PPP6R2: variants seen among roughly 807,000 people sequenced by gnomAD.
PPP6R2 encodes serine/threonine-protein phosphatase 6 regulatory subunit 2.
PPP6R2 carries 62 observed loss-of-function variants against 100.2 expected under a neutral mutation model. That is an observed-to-expected ratio of 0.62 (90% CI 0.50 to 0.76). The LOEUF (loss-of-function observed/expected upper bound fraction) is 0.76, where lower values mean the gene tolerates loss of function less well. Among genes scored for constraint, PPP6R2 ranks in the 30% least tolerant of loss-of-function variants. The pLI, the probability that PPP6R2 is intolerant of heterozygous loss-of-function variation, is 0.00. For synonymous variants in PPP6R2, 525 were observed against 514.7 expected (o/e 1.02, Z -0.27); for missense variants, 1,142 against 1,276.3 (o/e 0.89, Z 1.60).
Position 50,423,740 on chromosome 22 carries a change from TC to T in PPP6R2, c.1125+129del. On this transcript the variant is annotated intron_variant, in intron 10 of 23. Transcript: ENST00000612753. The surrounding 1 kb of genome is among the most constrained non-coding windows in gnomAD (Gnocchi z 4.8). Reference sequence around the variant, plus strand: ...AAGCTCTGCCACGGGGAGGTTCCAGTCCCAAGTCCCAAGGCTGGACTACAGG... The same window carrying T: ...AAGCTCTGCCACGGGGAGGTTCCAGTCCAAGTCCCAAGGCTGGACTACAGG... 8.4e-7 allele frequency: 1 copy of T among 1,183,714 alleles called. No individual in the cohort carries two copies. Among genetic ancestry groups the T allele is most frequent in the African/African-American group, 1.5e-5 (1 of 65,844 alleles). 73.3% of individuals were successfully genotyped at this position (1,183,714 alleles called of 1,614,324 possible). A position where few individuals can be genotyped will look rare whatever the true frequency, so the allele number is the denominator to read the frequency against.
At chr22:50,335,504 T>C in the PPP6R2 span, among the ~76,000 whole-genome samples, 1 of 150,060 alleles carries the variant, frequency 6.7e-6, no homozygotes, top group African/African-American at 2.5e-5. Context: ...CCTTGTTTTT[T>C]GTTTTGTTTT....
At chr22:50,414,207 C>G (rs1038852071) in intron 4 of PPP6R2, among the ~76,000 whole-genome samples, 2 of 151,902 alleles carry the variant, frequency 1.3e-5, no homozygotes, top group African/African-American at 2.4e-5. Context: ...CTATACCATT[C>G]GTTTCTGTTG....
chr22:50,401,651 T>TC (rs1277255782), intron 3 of PPP6R2, among the ~76,000 whole-genome samples: 1 of 149,616 alleles, frequency 6.7e-6, no homozygotes, highest in Non-Finnish European at 1.5e-5. Context: ...TCTTTTTTCT[T>TC]TTTTTTTTTG....
In PPP6R2 at chr22:50,437,496, T is replaced by TC; in HGVS notation, c.1684-7dup. ...GTCTGTCCGTCCCTCCCTCCCTCCCTCCCTCCCAGGCCTTCTCTGACTACC... is the reference window on the plus strand; with the variant it reads ...GTCTGTCCGTCCCTCCCTCCCTCCCTCCCCTCCCAGGCCTTCTCTGACTACC... On this transcript the variant is annotated splice_polypyrimidine_tract_variant and intron_variant, in intron 15 of 23. Transcript: ENST00000612753. 9 of 292,910 alleles carry TC rather than the reference T, an allele frequency of 3.1e-5. No individual in the cohort carries two copies. The highest frequency in any genetic ancestry group is 7.2e-5 in the South Asian group (3 of 41,902). The allele number at this position is 292,910 out of a possible 1,614,324, so 18.1% of individuals were successfully genotyped here.
intron 1 of PPP6R2, among the ~76,000 whole-genome samples, chr22:50,356,751 A>G (rs957782786): frequency 2.6e-5 from 4 of 151,926 alleles, no homozygotes; most frequent in African/African-American, 4.8e-5. Context: ...CCTGACCAAC[A>G]TGGTGAAACC....
intron 1 of PPP6R2, among the ~76,000 whole-genome samples, chr22:50,368,598 T>C (rs1041322481): frequency 1.3e-5 from 2 of 152,188 alleles, no homozygotes; most frequent in African/African-American, 4.8e-5. Context: ...CTATTCTTAC[T>C]TTATATATTT....
rs115130676 is a variant in PPP6R2, at chr22:50,360,482, T to C, written c.-147-11538T>C. Among the ~76,000 whole-genome samples, 1,130 of 151,972 alleles carry C rather than the reference T, an allele frequency of 7.4e-3. 14 individuals carry two copies. The highest frequency in any genetic ancestry group is 0.026 in the African/African-American group (1,073 of 41,420). On this transcript the variant is annotated intron_variant, in intron 1 of 23. Coordinates refer to ENST00000612753, the MANE Select transcript of PPP6R2 (RefSeq NM_001242898.2). The stretch of plus-strand genomic sequence containing the variant: ...GGCATAAGAGACCCTCCTGCCTCAG[T>C]TTCCTGAGTTGCTAGGACTGCAAGT...
chr22:50,444,398 C>A lies in PPP6R2; in HGVS notation c.*151C>A. ...AAGCTGGCAGTTGAAACCAGTTGGA[C>A]GGCCCAGCTTGCGTCTCTTCTGCCT... On this transcript the variant is annotated 3_prime_UTR_variant, in exon 24 of 24. Transcript: ENST00000612753. 1.9e-6 allele frequency: 2 copies of A among 1,068,506 alleles called. No individual in the cohort carries two copies. The highest frequency in any genetic ancestry group is 1.3e-6 in the Non-Finnish European group (1 of 744,728). 66.2% of individuals were successfully genotyped at this position (1,068,506 alleles called of 1,614,324 possible). A position where few individuals can be genotyped will look rare whatever the true frequency, so the allele number is the denominator to read the frequency against.
chr22:50,350,097 AACAGAGCAAG>A (rs1314903630), intron 1 of PPP6R2, among the ~76,000 whole-genome samples: 1 of 152,062 alleles, frequency 6.6e-6, no homozygotes, highest in Non-Finnish European at 1.5e-5. Flanking sequence ...CAGCCTAGGC[AACAGAGCAAG>A]ACTCTGTCTC....
intron 3 of PPP6R2, among the ~76,000 whole-genome samples, chr22:50,405,365 G>A (rs2058696414): frequency 8.2e-6 from 1 of 122,098 alleles, no homozygotes; most frequent in African/African-American, 2.8e-5. Flanking sequence ...AGAGAGGTGA[G>A]AGGCCTGGAG....
At chr22:50,383,765 A>G (rs1390107285) in intron 2 of PPP6R2, among the ~76,000 whole-genome samples, 5 of 152,124 alleles carry the variant, frequency 3.3e-5, no homozygotes, top group Admixed American at 1.3e-4. Flanking sequence ...GGCCAGGCGC[A>G]GTGGCTCATG....
chr22:50,335,083 G>A, the PPP6R2 span, among the ~76,000 whole-genome samples: 28 of 151,804 alleles, frequency 1.8e-4, no homozygotes, highest in Middle Eastern at 3.4e-3. Context: ...ACAGGGTCTC[G>A]CTCTGTCGCC....
rs931298018 is a variant in PPP6R2 at position 50,443,917 on chromosome 22, G to A, written c.2631G>A (p.Lys877=). The part of the protein sequence containing the change: ...RLLSPACPAP[K]EVTAAPAVAV... ...TAAGCCCTGCCTGCCCCGCGCCAAA[G>A]GAAGTGACTGCTGCCCCAGCCGTGG... The change falls in exon 23 of 24, where the codon AAG becomes AAA. Residue 877 remains lysine (K), a synonymous_variant. Transcript: ENST00000612753. The A allele has an allele frequency of 2.5e-6, 4 of 1,600,140 alleles. No individual in the cohort carries two copies. In the African/African-American group the frequency reaches 4.0e-5, roughly 16 times the overall value.
intron 2 of PPP6R2, among the ~76,000 whole-genome samples, chr22:50,373,086 A>G (rs8143155): frequency 2.3e-3 from 351 of 152,288 alleles, no homozygotes; most frequent in African/African-American, 7.6e-3. Flanking sequence ...CAGCATATAC[A>G]CTGTCACAGT....
At chr22:50,371,173 G>C (rs1365277080) in intron 1 of PPP6R2, among the ~76,000 whole-genome samples, 5 of 152,134 alleles carry the variant, frequency 3.3e-5, no homozygotes, top group Non-Finnish European at 7.3e-5. Flanking sequence ...CCTGGGACTA[G>C]GATAATTATA....
intron 2 of PPP6R2, among the ~76,000 whole-genome samples, chr22:50,375,967 A>C (rs2051450917): frequency 6.6e-6 from 1 of 150,988 alleles, no homozygotes; most frequent in African/African-American, 2.4e-5. Flanking sequence ...CAGCCTTGCA[A>C]GTAGCTGGGA....
intron 8 of PPP6R2, among the ~76,000 whole-genome samples, chr22:50,420,754 T>A (rs550172897): frequency 3.3e-5 from 5 of 152,318 alleles, no homozygotes; most frequent in African/African-American, 1.2e-4. Flanking sequence ...CTATAGGGTG[T>A]GTCCCAAAAG....
chr22:50,372,791 C>T (rs13054337), intron 2 of PPP6R2, among the ~76,000 whole-genome samples: 3 of 151,390 alleles, frequency 2.0e-5, no homozygotes, highest in African/African-American at 4.9e-5. Context: ...CGGGATCAAG[C>T]GATTCTTCTT....
rs2056259528 is a variant in PPP6R2, at chr22:50,394,269, G to A, written c.227+134G>A. 8 of 1,365,916 alleles carry A rather than the reference G, an allele frequency of 5.9e-6. No individual in the cohort carries two copies. The Admixed American group carries it at 6.7e-5, about 11-fold the overall frequency. The allele number at this position is 1,365,916 out of a possible 1,614,324, so 84.6% of individuals were successfully genotyped here. On this transcript the variant is annotated intron_variant, in intron 3 of 23. Coordinates refer to ENST00000612753, the MANE Select transcript of PPP6R2 (RefSeq NM_001242898.2). ...CGTAAAAATCCACCCCATGTGAGAA[G>A]TGAGGAGGGCACTCCCATGGGGTCT...
Sources: gnomAD v4.1 joint callset for allele counts (sites outside exome capture counted in the v4.1 genomes callset) on GRCh38, gnomAD v4.1.1 for gene constraint, Gnocchi (gnomAD v3.1) non-coding constraint, MANE v1.5 for transcripts, NCBI Gene and HGNC (gene_info 2026-07-23, HGNC 2026-07-21) for gene names.